Variants in ADH4 observed in about 807,000 individuals in gnomAD.
The protein encoded by ADH4 is all-trans-retinol dehydrogenase [NAD(+)] ADH4.
ADH4 carries 31 observed loss-of-function variants against 35.2 expected under a neutral mutation model. The ratio of observed to expected loss-of-function variants is 0.88; its 90% CI spans 0.66 to 1.19. The LOEUF is 1.19. Among genes scored for constraint, ADH4 ranks in the 50% most tolerant of loss-of-function variants. ADH4 has a pLI of 0.00. For missense variants in ADH4, 476 were observed against 458.3 expected, an observed-to-expected ratio of 1.04 and a Z score of -0.35; for synonymous variants, 171 against 160.2, an observed-to-expected ratio of 1.07 and a Z score of -0.51.
chr4:99,137,487 C>A (rs1441871605), intron 4 of ADH4, among the ~76,000 whole-genome samples: 1 of 152,078 alleles, frequency 6.6e-6, no homozygotes, highest in Admixed American at 6.6e-5. Context: ...GTCTCGAACT[C>A]CTGACCTCAG....
chr4:99,139,295 C>A (rs1729538608), intron 3 of ADH4, 147 bp from the exon 4 acceptor site: 1 of 582,986 alleles, frequency 1.7e-6, no homozygotes, highest in South Asian at 2.4e-5. Context: ...CATTACCTTA[C>A]AAGACTGCAG....
At chr4:99,137,189 G>A (rs28987092) in intron 4 of ADH4, among the ~76,000 whole-genome samples, 61 of 150,108 alleles carry the variant, frequency 4.1e-4, no homozygotes, top group East Asian at 3.1e-3. Context: ...GTGCAGTGGC[G>A]CGATCTCAGC....
rs549707626 is a variant in ADH4 at position 99,127,497 on chromosome 4, T to C, written c.844-153A>G. On this transcript the variant is annotated intron_variant, in intron 6 of 8. Coordinates refer to ENST00000265512, the MANE Select transcript of ADH4 (RefSeq NM_000670.5). ...AATGACATCATAGTATCATTGTAGA[T>C]TGAGCCTTGAGGGCCCAGTGTTCCA... 1.9e-4 allele frequency among the ~76,000 whole-genome samples: 29 copies of C among 152,292 alleles called. No individual in the cohort carries two copies. In the South Asian group the frequency reaches 4.8e-3, roughly 25 times the overall value.
intron 5 of ADH4, among the ~76,000 whole-genome samples, chr4:99,134,890 A>G (rs1729389186): frequency 6.6e-6 from 1 of 150,462 alleles, no homozygotes. Context: ...ACACTGAACA[A>G]CTCTAGGTAA....
In ADH4 at chr4:99,136,707, T is replaced by TA. The variant is rs55878268; in HGVS notation, c.351-11dup. 0.24 allele frequency: 356,698 copies of TA among 1,510,734 alleles called. 44,974 individuals carry two copies. Among genetic ancestry groups the TA allele is most frequent in the Non-Finnish European group, 0.27 (290,589 of 1,094,488 alleles). The allele number at this position is 1,510,734 out of a possible 1,614,324, so 93.6% of individuals were successfully genotyped here. A position where few individuals can be genotyped will look rare whatever the true frequency, so the allele number is the denominator to read the frequency against. ...AGGACTTTTGAGATTACTAGAAAATTAAAAAAAAGAGTGATACAAATAAAG... is the reference window on the plus strand; with the variant it reads ...AGGACTTTTGAGATTACTAGAAAATTAAAAAAAAAGAGTGATACAAATAAAG... On this transcript the variant is annotated splice_polypyrimidine_tract_variant and intron_variant, in intron 4 of 8. Transcript: ENST00000265512.
At chr4:99,131,787 G>A in intron 5 of ADH4, 23 bp from the exon 6 acceptor site, 1 of 1,604,848 alleles carries the variant, frequency 6.2e-7, no homozygotes, top group Non-Finnish European at 8.5e-7. Context: ...AAATTATAAA[G>A]TAACTTCTAA....
At chr4:99,137,653 A>G (rs1729488330) in intron 4 of ADH4, among the ~76,000 whole-genome samples, 1 of 152,222 alleles carries the variant, frequency 6.6e-6, no homozygotes, top group South Asian at 2.1e-4. Context: ...TTGTTGTGGA[A>G]AATTTGAACA....
chr4:99,130,449 G>C (rs532779982), intron 6 of ADH4, among the ~76,000 whole-genome samples: 17 of 152,284 alleles, frequency 1.1e-4, no homozygotes, highest in Non-Finnish European at 1.5e-4. Flanking sequence ...ACAGGGTGTT[G>C]ACCCTTGGTT....
chr4:99,141,515 C>T lies in ADH4; in HGVS notation c.262+26G>A, dbSNP rs775053540. 16 of 1,594,636 alleles carry T rather than the reference C, an allele frequency of 1.0e-5. 1 individual carries two copies. The South Asian group carries it at 1.7e-4, about 17-fold the overall frequency. ...TATCTCTGAAATATTGTGACATTTCCATTTTTTCTGAATAAAATAAAATAC... is the reference window on the plus strand; with the variant it reads ...TATCTCTGAAATATTGTGACATTTCTATTTTTTCTGAATAAAATAAAATAC... On this transcript the variant is annotated intron_variant, in intron 3 of 8. Coordinates refer to ENST00000265512, the MANE Select transcript of ADH4 (RefSeq NM_000670.5).
At chr4:99,143,257 G>C in intron 1 of ADH4, 1 of 700,996 alleles carries the variant, frequency 1.4e-6, no homozygotes. Flanking sequence ...ACATCACTTG[G>C]GAATTTGTTA....
Position 99,142,771 on chromosome 4 carries a change from A to G in ADH4, c.28T>C (p.Cys10Arg), listed in dbSNP as rs147320170. Residue 10 changes from cysteine (C) to arginine (R), a missense_variant, in exon 2 of 9, where the codon TGC (cysteine) becomes CGC (arginine). Transcript: ENST00000265512. ...GCTTCCCAGGCGATGGCTGCTTTGC[A>G]TTTAATAACCTGAAAGAGAGAAAGA... MGTKGKVIK[C>R]KAAIAWEAGK... The G allele has an allele frequency of 1.6e-5, 25 of 1,601,130 alleles. No individual in the cohort carries two copies. The highest frequency in any genetic ancestry group is 5.2e-5 in the Admixed American group (3 of 57,770).
intron 2 of ADH4, among the ~76,000 whole-genome samples, chr4:99,142,005 C>T (rs893934052): frequency 1.5e-4 from 23 of 152,252 alleles, no homozygotes; most frequent in African/African-American, 5.1e-4. Flanking sequence ...ACACCTTTTA[C>T]AGTTGAGAGA....
chr4:99,127,173 A>C (rs766810583), intron 7 of ADH4, 36 bp downstream of exon 7: 1 of 1,550,050 alleles, frequency 6.5e-7, no homozygotes, highest in African/African-American at 1.4e-5. Context: ...ACTACTAGGA[A>C]AAGAATTTAA....
intron 5 of ADH4, among the ~76,000 whole-genome samples, chr4:99,132,295 C>T (rs78738404): frequency 3.9e-5 from 6 of 152,266 alleles, no homozygotes; most frequent in East Asian, 1.9e-4. Context: ...ACAAGAACTG[C>T]GAACAGATTG....
chr4:99,144,224 T>C lies in ADH4; in HGVS notation c.-2A>G. The C allele has an allele frequency of 6.2e-7, 1 of 1,613,672 alleles. No individual in the cohort carries two copies. The highest frequency in any genetic ancestry group is 1.1e-5 in the South Asian group (1 of 91,072). ...GCTTACTTTGCCCTTGGTGCCCATT[T>C]TTCTTTGGGAAACTGTGTTGGAAGT... On this transcript the variant is annotated 5_prime_UTR_variant, in exon 1 of 9. Coordinates refer to ENST00000265512, the MANE Select transcript of ADH4 (RefSeq NM_000670.5).
chr4:99,126,583 T>A lies in ADH4; in HGVS notation c.1118+11A>T. 6.3e-7 allele frequency: 1 copy of A among 1,586,828 alleles called. No homozygotes were observed. Among genetic ancestry groups the A allele is most frequent in the Non-Finnish European group, 8.6e-7 (1 of 1,160,580 alleles). ...TTTTTTAAATCATTCAGTCATCTAT[T>A]AGTAATGTACCTTTTTCCTTGGTTC... On this transcript the variant is annotated intron_variant, in intron 8 of 8. Coordinates refer to ENST00000265512, the MANE Select transcript of ADH4 (RefSeq NM_000670.5).
At chr4:99,131,136 A>T (rs1336466828) in intron 6 of ADH4, among the ~76,000 whole-genome samples, 50 of 152,232 alleles carry the variant, frequency 3.3e-4, no homozygotes, top group Non-Finnish European at 7.3e-5. Flanking sequence ...GTCTCCAAGG[A>T]ATAGGAATTG....
At chr4:99,140,642 T>G (rs1236925195) in intron 3 of ADH4, among the ~76,000 whole-genome samples, 1 of 150,360 alleles carries the variant, frequency 6.7e-6, no homozygotes, top group Non-Finnish European at 1.5e-5. Context: ...CCGAGGTGGG[T>G]GGATCACCTG....
chr4:99,135,355 G>A (rs1358029369), intron 5 of ADH4, among the ~76,000 whole-genome samples: 1 of 152,192 alleles, frequency 6.6e-6, no homozygotes, highest in Non-Finnish European at 1.5e-5. Context: ...CTTGAGCCCA[G>A]GAGGTCAAGG....
Sources: allele counts gnomAD v4.1 joint callset (sites outside exome capture counted in the v4.1 genomes callset), GRCh38; gene constraint gnomAD v4.1.1; transcripts MANE v1.5; gene names NCBI Gene and HGNC (gene_info 2026-07-23, HGNC 2026-07-21).